GRID1: variants seen among roughly 807,000 people sequenced by gnomAD.
The protein encoded by GRID1 is glutamate ionotropic receptor delta type subunit 1, also known as glutamate receptor ionotropic, delta-1.
In GRID1, 28 loss-of-function variants were observed where a neutral mutation model predicts 98.0. That is an observed-to-expected ratio of 0.29 (90% CI 0.21 to 0.39). The LOEUF (loss-of-function observed/expected upper bound fraction) is 0.39, where lower values mean the gene tolerates loss of function less well. Among genes scored for constraint, GRID1 ranks in the 10% least tolerant of loss-of-function variants. GRID1 has a pLI of 1.00. For missense variants in GRID1, 1,111 were observed against 1,340.5 expected (o/e 0.83, Z 2.67); for synonymous variants, 553 against 538.5 (o/e 1.03, Z -0.37).
Position 85,669,036 on chromosome 10 carries a change from T to A in GRID1, c.1998-21639A>T, listed in dbSNP as rs533778245. ...TGAAAAACATTATCCAAGTTAGAAA[T>A]CCCCTTGGTTCCACCAGAGGATGAC... On this transcript the variant is annotated intron_variant, in intron 12 of 15. Transcript: ENST00000327946. 6.6e-5 allele frequency among the ~76,000 whole-genome samples: 10 copies of A among 152,316 alleles called. No homozygotes were observed. In the South Asian group the frequency reaches 2.1e-3, roughly 32 times the overall value.
intron 8 of GRID1, among the ~76,000 whole-genome samples, chr10:85,756,557 G>A (rs1880383): frequency 0.67 from 102,241 of 152,136 alleles, 34,721 homozygotes; most frequent in East Asian, 0.87. Context: ...GTGTGAATAC[G>A]CTGGACAAAG....
rs77668480 is a variant in GRID1, at chr10:85,811,897, G to A, written c.1233+42599C>T. 2.5e-3 allele frequency among the ~76,000 whole-genome samples: 375 copies of A among 152,200 alleles called. 1 individual carries two copies. Among genetic ancestry groups the A allele is most frequent in the African/African-American group, 8.5e-3 (354 of 41,540 alleles). The stretch of plus-strand genomic sequence containing the variant: ...TAAACACAAACACATCCTCTCCCAC[G>A]TACATTAGAGCTAATCATCAATCAA... On this transcript the variant is annotated intron_variant, in intron 8 of 15. Transcript: ENST00000327946.
At chr10:85,649,844 G>T (rs973882216) in intron 12 of GRID1, among the ~76,000 whole-genome samples, 3 of 152,034 alleles carry the variant, frequency 2.0e-5, no homozygotes, top group African/African-American at 7.2e-5. Flanking sequence ...ACCCCAAAAT[G>T]CCACCCCCAT....
At chr10:85,753,705 G>T (rs1348584191) in intron 8 of GRID1, among the ~76,000 whole-genome samples, 1 of 152,184 alleles carries the variant, frequency 6.6e-6, no homozygotes, top group Non-Finnish European at 1.5e-5. Context: ...TGTCCTGATA[G>T]GTGTAGGGCA....
Position 86,196,797 on chromosome 10 carries a change from A to G in GRID1, c.520+9567T>C, listed in dbSNP as rs182608333. On this transcript the variant is annotated intron_variant, in intron 3 of 15. Transcript: ENST00000327946. The stretch of plus-strand genomic sequence containing the variant: ...AGAAACACAGCAGGCTGAACAAGCC[A>G]GTGCTCTACTGAAAGTGGAGGAGGG... 1.1e-4 allele frequency among the ~76,000 whole-genome samples: 16 copies of G among 152,266 alleles called. No homozygotes were observed. The East Asian group carries it at 2.9e-3, about 27-fold the overall frequency.
chr10:85,794,358 C>T (rs1418250418), intron 8 of GRID1, among the ~76,000 whole-genome samples: 5 of 152,144 alleles, frequency 3.3e-5, no homozygotes, highest in African/African-American at 4.8e-5. Flanking sequence ...CTCAGAGCAT[C>T]GGTGCTAAAG....
intron 2 of GRID1, among the ~76,000 whole-genome samples, chr10:86,225,474 T>C (rs910941769): frequency 6.6e-6 from 1 of 152,116 alleles, no homozygotes; most frequent in African/African-American, 2.4e-5. Flanking sequence ...TCACGGCAAT[T>C]TGCACTCTTC....
At position 85,613,697 on chromosome 10, in the gene GRID1, G is replaced by A. The variant is rs1433060823; in HGVS notation, c.2361-50C>T. 3 of 1,576,426 alleles carry A rather than the reference G, an allele frequency of 1.9e-6. No individual in the cohort carries two copies. The South Asian group carries it at 3.5e-5, about 18-fold the overall frequency. On this transcript the variant is annotated intron_variant, in intron 14 of 15. Transcript: ENST00000327946. ...TATAGCCACTGACGTCATCAACTCA[G>A]CCACCGGGGCCCTGGCCCCTGCCCC... is the stretch of plus-strand genomic sequence containing the variant.
chr10:86,126,193 C>T (rs1427552594), intron 4 of GRID1, among the ~76,000 whole-genome samples: 4 of 152,218 alleles, frequency 2.6e-5, no homozygotes, highest in African/African-American at 4.8e-5. Context: ...TGGTGGCTCA[C>T]GCCTGTAATC....
At chr10:85,777,495 A>G (rs1293220175) in intron 8 of GRID1, among the ~76,000 whole-genome samples, 1 of 152,204 alleles carries the variant, frequency 6.6e-6, no homozygotes, top group Non-Finnish European at 1.5e-5. Flanking sequence ...GGGCACTGGG[A>G]TTTTTAAGAG....
intron 8 of GRID1, among the ~76,000 whole-genome samples, chr10:85,780,259 C>T (rs1009691337): frequency 2.0e-5 from 3 of 152,120 alleles, no homozygotes; most frequent in Admixed American, 6.5e-5. Context: ...GCACTGCAGT[C>T]CAGATAGACC....
chr10:86,075,483 G>T (rs894859003), intron 4 of GRID1, among the ~76,000 whole-genome samples: 4 of 152,172 alleles, frequency 2.6e-5, no homozygotes, highest in African/African-American at 9.6e-5. Context: ...GCCCTCAGAA[G>T]GAACCAATCC....
At chr10:85,931,568 T>C (rs1471885521) in intron 4 of GRID1, among the ~76,000 whole-genome samples, 1 of 152,202 alleles carries the variant, frequency 6.6e-6, no homozygotes, top group Non-Finnish European at 1.5e-5. Context: ...AATTGCTGCT[T>C]TGTGCTCCCT....
At chr10:85,959,537 G>GC (rs1842238342) in intron 4 of GRID1, among the ~76,000 whole-genome samples, 2 of 83,136 alleles carry the variant, frequency 2.4e-5, no homozygotes, top group South Asian at 4.0e-4. Context: ...TCTCCCACCC[G>GC]CCCCCACCCG....
chr10:85,703,080 G>C (rs562123110), intron 12 of GRID1, among the ~76,000 whole-genome samples: 3 of 152,078 alleles, frequency 2.0e-5, no homozygotes, highest in African/African-American at 7.2e-5. Flanking sequence ...ATAGGTGAAA[G>C]TTTCTCCATT....
intron 3 of GRID1, among the ~76,000 whole-genome samples, chr10:86,164,470 C>T (rs1013134031): frequency 3.3e-5 from 5 of 152,234 alleles, no homozygotes; most frequent in Admixed American, 6.5e-5. Context: ...CTAAGTGACA[C>T]TGTGTTCCAG....
At chr10:85,958,930 C>G (rs1170211820) in intron 4 of GRID1, among the ~76,000 whole-genome samples, 1 of 146,542 alleles carries the variant, frequency 6.8e-6, no homozygotes, top group Non-Finnish European at 1.5e-5. Flanking sequence ...GCACTCCAGC[C>G]TGAGCTATGA....
chr10:86,261,297 G>A (rs965184043), intron 2 of GRID1, among the ~76,000 whole-genome samples: 3 of 152,250 alleles, frequency 2.0e-5, no homozygotes, highest in Admixed American at 6.5e-5. Flanking sequence ...GACCCCTGGG[G>A]GAGAAAAAGG....
rs759464794 is a variant in GRID1 at position 85,602,311 on chromosome 10, G to A, written c.2992C>T (p.Pro998Ser). 32 of 1,545,762 alleles carry A rather than the reference G, an allele frequency of 2.1e-5. No individual in the cohort carries two copies. In the East Asian group the frequency reaches 7.0e-4, roughly 34 times the overall value. ...CCGTGGGAGGTGTCCAGAGCCTCTG[G>A]AAGGACGCCTCCAGGCACGGGCTGG... ...SFQPVPGGVL[P>S]EALDTSHGTS... The change falls in exon 16 of 16, where the codon CCA (proline) becomes TCA (serine). Residue 998 changes from proline (P) to serine (S), a missense_variant. By Grantham distance (74) the Pro-to-Ser change is moderately conservative. Coordinates refer to ENST00000327946, the MANE Select transcript of GRID1 (RefSeq NM_017551.3).
Sources: gnomAD v4.1 joint callset for allele counts (sites outside exome capture counted in the v4.1 genomes callset) on GRCh38, gnomAD v4.1.1 for gene constraint, MANE v1.5 for transcripts, NCBI Gene and HGNC (gene_info 2026-07-23, HGNC 2026-07-21) for gene names.